The following RBPJ variants were observed in gnomAD, a reference collection of about 807,000 sequenced individuals.
The protein encoded by RBPJ is recombination signal binding protein for immunoglobulin kappa J region.
A neutral mutation model predicts 67.8 loss-of-function variants in RBPJ; 9 were observed. The ratio of observed to expected loss-of-function variants is 0.13; its 90% CI spans 0.08 to 0.23. The LOEUF is 0.23. RBPJ is among the 10% of genes least tolerant of loss of function. The pLI is 1.00. For synonymous variants in RBPJ, 198 were observed against 203.3 expected (o/e 0.97, Z 0.22); for missense variants, 305 against 595.6 (o/e 0.51, Z 5.08).
chr4:26,396,037 T>C (rs1021990132), intron 2 of RBPJ, among the ~76,000 whole-genome samples: 6 of 152,234 alleles, frequency 3.9e-5, no homozygotes, highest in Non-Finnish European at 8.8e-5. Flanking sequence ...CCATTTTAAA[T>C]TGTGAGCATA....
At chr4:26,416,623 T>C (rs1372584442) in intron 4 of RBPJ, among the ~76,000 whole-genome samples, 1 of 152,216 alleles carries the variant, frequency 6.6e-6, no homozygotes, top group East Asian at 1.9e-4. Context: ...TGGAAAATGG[T>C]TAGTTCTGAT....
chr4:26,300,074 A>G (rs1722026659), intron 1 of RBPJ, among the ~76,000 whole-genome samples: 1 of 152,148 alleles, frequency 6.6e-6, no homozygotes, highest in Non-Finnish European at 1.5e-5. Context: ...TAACAGATAT[A>G]AATTAAAAGA....
At chr4:26,206,350 G>C (rs1201561521) in intron 1 of RBPJ, among the ~76,000 whole-genome samples, 1 of 152,162 alleles carries the variant, frequency 6.6e-6, no homozygotes, top group Non-Finnish European at 1.5e-5. Flanking sequence ...ATTAGCAGTT[G>C]CTTCAAATCA....
At chr4:26,429,379 C>T (rs553848337) in intron 8 of RBPJ, among the ~76,000 whole-genome samples, 2 of 152,308 alleles carry the variant, frequency 1.3e-5, no homozygotes, top group African/African-American at 2.4e-5. Flanking sequence ...TGTGAAACTC[C>T]TTTGCAGAGA....
chr4:26,133,653 A>G, the RBPJ span, among the ~76,000 whole-genome samples: 4 of 152,154 alleles, frequency 2.6e-5, 1 homozygote, highest in South Asian at 8.3e-4. Flanking sequence ...AACTGCACAT[A>G]TGAGGGATCT....
chr4:26,148,633 GA>G, the RBPJ span, among the ~76,000 whole-genome samples: 1 of 152,206 alleles, frequency 6.6e-6, no homozygotes, highest in East Asian at 1.9e-4. Flanking sequence ...TAATCCAAAT[GA>G]AAGATAGACA....
the RBPJ span, among the ~76,000 whole-genome samples, chr4:26,115,389 G>GTT: frequency 3.4e-5 from 5 of 146,650 alleles, no homozygotes; most frequent in Admixed American, 6.8e-5. Flanking sequence ...GCCAGTATAA[G>GTT]TTTTTTTTTT....
At chr4:26,219,084 C>T (rs1016842812) in intron 1 of RBPJ, among the ~76,000 whole-genome samples, 3 of 152,074 alleles carry the variant, frequency 2.0e-5, no homozygotes, top group South Asian at 2.1e-4. Context: ...GAAGCAATAC[C>T]GTAAGAGGAA....
chr4:26,132,809 C>T, the RBPJ span, among the ~76,000 whole-genome samples: 20 of 152,046 alleles, frequency 1.3e-4, no homozygotes, highest in African/African-American at 3.9e-4. Context: ...TACTTCTCAA[C>T]CCCCCCACCC....
intron 1 of RBPJ, among the ~76,000 whole-genome samples, chr4:26,222,364 G>A (rs1250438576): frequency 4.6e-5 from 7 of 151,580 alleles, no homozygotes; most frequent in Admixed American, 1.3e-4. Context: ...GCGTGGTGGC[G>A]GCCGCCTATA....
chr4:26,380,886 ATTAC>A (rs1730250937), intron 1 of RBPJ, among the ~76,000 whole-genome samples: 1 of 151,600 alleles, frequency 6.6e-6, no homozygotes, highest in South Asian at 2.1e-4. Flanking sequence ...AGAAAAATAA[ATTAC>A]TTCTAGTTTC....
intron 1 of RBPJ, among the ~76,000 whole-genome samples, chr4:26,211,849 G>A (rs190441035): frequency 5.9e-5 from 9 of 152,278 alleles, no homozygotes; most frequent in Admixed American, 2.6e-4. Flanking sequence ...TAGTTAAGAT[G>A]AGATCATACT....
intron 4 of RBPJ, among the ~76,000 whole-genome samples, chr4:26,417,156 T>TTC (rs2109791406): frequency 6.6e-6 from 1 of 152,328 alleles, no homozygotes; most frequent in Admixed American, 6.5e-5. Context: ...GTGGATCAGA[T>TTC]AGGTAGTGAG....
At chr4:26,251,613 CAG>C (rs1720111187) in intron 1 of RBPJ, among the ~76,000 whole-genome samples, 1 of 128,530 alleles carries the variant, frequency 7.8e-6, no homozygotes, top group Non-Finnish European at 1.6e-5. Context: ...ACATGAGCAA[CAG>C]AGTAAGACTC....
intron 1 of RBPJ, among the ~76,000 whole-genome samples, chr4:26,368,995 C>T (rs1322698033): frequency 6.6e-6 from 1 of 152,164 alleles, no homozygotes. Flanking sequence ...TCTGTTCTTT[C>T]CCCTACCCTC....
At chr4:26,280,364 C>G (rs1047581347) in intron 1 of RBPJ, among the ~76,000 whole-genome samples, 4 of 145,810 alleles carry the variant, frequency 2.7e-5, no homozygotes, top group African/African-American at 1.0e-4. Context: ...ACATTGCACT[C>G]CAGCCTGGGT....
At chr4:26,204,879 T>C (rs1161076771) in intron 1 of RBPJ, among the ~76,000 whole-genome samples, 1 of 152,220 alleles carries the variant, frequency 6.6e-6, no homozygotes, top group African/African-American at 2.4e-5. Flanking sequence ...GAGCATTCTT[T>C]CTGAGTTGGG....
chr4:26,353,995 A>T (rs1727082946), intron 1 of RBPJ, among the ~76,000 whole-genome samples: 1 of 150,804 alleles, frequency 6.6e-6, no homozygotes, highest in African/African-American at 2.4e-5. Context: ...CAGTGGCGTG[A>T]TCTCGGCTCA....
At chr4:26,324,394 G>A (rs576466410) in intron 1 of RBPJ, among the ~76,000 whole-genome samples, 9 of 99,198 alleles carry the variant, frequency 9.1e-5, no homozygotes, top group African/African-American at 3.1e-4. Context: ...GTGATGTGTC[G>A]TGTGTGAGTG....
Sources: allele counts gnomAD v4.1 joint callset (sites outside exome capture counted in the v4.1 genomes callset), GRCh38; gene constraint gnomAD v4.1.1; transcripts MANE v1.5; gene names NCBI Gene and HGNC (gene_info 2026-07-23, HGNC 2026-07-21).